The following CACNA1E variants were observed in gnomAD, a reference collection of about 807,000 sequenced individuals.
CACNA1E encodes voltage-dependent R-type calcium channel subunit alpha-1E.
A neutral mutation model predicts 259.2 loss-of-function variants in CACNA1E; 40 were observed. The ratio of observed to expected loss-of-function variants is 0.15; its 90% CI spans 0.12 to 0.20. The LOEUF is 0.20. CACNA1E is among the 10% of genes least tolerant of loss of function. CACNA1E has a pLI of 1.00. For synonymous variants in CACNA1E, 1,104 were observed against 1,138.5 expected (o/e 0.97, Z 0.61); for missense variants, 1,874 against 3,040.1 (o/e 0.62, Z 9.02).
At chr1:181,462,957 A>AC (rs1445666626) in intron 2 of CACNA1E, among the ~76,000 whole-genome samples, 2 of 119,758 alleles carry the variant, frequency 1.7e-5, no homozygotes, top group Non-Finnish European at 3.3e-5. Context: ...TAAAATGATC[A>AC]TCTTGTCCAT....
intron 3 of CACNA1E, among the ~76,000 whole-genome samples, chr1:181,570,517 T>C (rs1244821715): frequency 6.6e-6 from 1 of 152,206 alleles, no homozygotes; most frequent in African/African-American, 2.4e-5. Context: ...GTGTATTTTC[T>C]TACAGTTCTG....
At chr1:181,324,938 A>T (rs1249940614) in intron 1 of CACNA1E, among the ~76,000 whole-genome samples, 1 of 152,170 alleles carries the variant, frequency 6.6e-6, no homozygotes, top group Non-Finnish European at 1.5e-5. Context: ...CATCTCCTGC[A>T]TCTGGGAGGG....
chr1:181,750,081 A>G lies in CACNA1E; in HGVS notation c.3720-395A>G, dbSNP rs186131604. On this transcript the variant is annotated intron_variant, in intron 25 of 47. Coordinates refer to ENST00000367573, the MANE Select transcript of CACNA1E (RefSeq NM_001205293.3). ...GGTTTCTTATAAATTCACTGGAAAC[A>G]GAGTTTGTCTGAAGACTGCATAGGA... Among the ~76,000 whole-genome samples the G allele has an allele frequency of 4.7e-4, 71 of 152,392 alleles. 1 individual carries two copies. The East Asian group carries it at 0.012, about 25-fold the overall frequency.
chr1:181,666,602 C>T (rs1375780304), intron 7 of CACNA1E, among the ~76,000 whole-genome samples: 2 of 151,750 alleles, frequency 1.3e-5, no homozygotes, highest in East Asian at 3.9e-4. Flanking sequence ...AAGACATTTC[C>T]TTAAAGAACA....
intron 41 of CACNA1E, 112 bp downstream of exon 41, chr1:181,784,880 A>G (rs1660727628): frequency 6.0e-6 from 4 of 661,188 alleles, no homozygotes. Flanking sequence ...GCCCTTTTCA[A>G]TTAATAAGGA....
At chr1:181,734,719 T>C (rs1288861243) in intron 21 of CACNA1E, among the ~76,000 whole-genome samples, 2 of 128,638 alleles carry the variant, frequency 1.6e-5, no homozygotes, top group African/African-American at 6.2e-5. Flanking sequence ...CCACACCTCA[T>C]CCCTGCATTA....
intron 3 of CACNA1E, 118 bp downstream of exon 3, chr1:181,511,628 GA>G: frequency 8.3e-7 from 1 of 1,199,264 alleles, no homozygotes; most frequent in Non-Finnish European, 1.2e-6. Context: ...AGGGGCAGAA[GA>G]AAAAGTTCAA....
At chr1:181,494,834 T>C (rs911802183) in intron 1 of CACNA1E, among the ~76,000 whole-genome samples, 5 of 152,226 alleles carry the variant, frequency 3.3e-5, no homozygotes, top group East Asian at 3.8e-4. Context: ...ATTTGAGTAA[T>C]TGATAAAAAA....
chr1:181,639,366 G>T (rs1657541327), intron 6 of CACNA1E, among the ~76,000 whole-genome samples: 1 of 152,218 alleles, frequency 6.6e-6, no homozygotes. Flanking sequence ...GGGATTACAG[G>T]TGTGAGCCAC....
chr1:181,527,570 C>G (rs1667455523), intron 3 of CACNA1E, among the ~76,000 whole-genome samples: 1 of 152,338 alleles, frequency 6.6e-6, no homozygotes, highest in South Asian at 2.1e-4. Context: ...AGGGCTATAT[C>G]TTTAAGGCAC....
At chr1:181,739,554 A>G (rs531730963) in intron 25 of CACNA1E, among the ~76,000 whole-genome samples, 2 of 152,292 alleles carry the variant, frequency 1.3e-5, no homozygotes, top group South Asian at 4.1e-4. Context: ...CAGTGTGGAC[A>G]GTGTTTCCAT....
At chr1:181,520,660 T>A (rs1034405329) in intron 3 of CACNA1E, among the ~76,000 whole-genome samples, 2 of 152,202 alleles carry the variant, frequency 1.3e-5, no homozygotes, top group African/African-American at 4.8e-5. Context: ...ATATCGCACA[T>A]AGGATGTATC....
In CACNA1E at chr1:181,483,571, C is replaced by T. The variant is rs1663493906; in HGVS notation, c.-174C>T. 6.9e-6 allele frequency: 3 copies of T among 436,044 alleles called. No individual in the cohort carries two copies. In the East Asian group the frequency reaches 1.1e-4, roughly 15 times the overall value. 27.0% of individuals were successfully genotyped at this position (436,044 alleles called of 1,614,324 possible). ...TGCATTTAGATTCAACAGTTCACAG[C>T]GGCGGGCTGCTGCTGCTGCCTCTCC... is the stretch of plus-strand genomic sequence containing the variant. On this transcript the variant is annotated 5_prime_UTR_variant, in exon 1 of 48. Coordinates refer to ENST00000367573, the MANE Select transcript of CACNA1E (RefSeq NM_001205293.3).
At chr1:181,349,132 C>G (rs966903477) in intron 1 of CACNA1E, among the ~76,000 whole-genome samples, 1 of 152,168 alleles carries the variant, frequency 6.6e-6, no homozygotes, top group African/African-American at 2.4e-5. Flanking sequence ...GGGTGGGCTG[C>G]TGTTATGGGA....
At chr1:181,626,031 A>G (rs1365466434) in intron 6 of CACNA1E, among the ~76,000 whole-genome samples, 1 of 152,154 alleles carries the variant, frequency 6.6e-6, no homozygotes, top group East Asian at 1.9e-4. Context: ...ATGGCAGGTC[A>G]ATGGTGCAGT....
intron 1 of CACNA1E, among the ~76,000 whole-genome samples, chr1:181,381,530 G>C (rs914773515): frequency 2.6e-5 from 4 of 152,084 alleles, no homozygotes; most frequent in African/African-American, 9.7e-5. Context: ...GGGGAAGATT[G>C]CCAAGGGATA....
intron 39 of CACNA1E, 26 bp from the exon 40 acceptor site, chr1:181,783,653 C>A: frequency 4.3e-6 from 5 of 1,150,218 alleles, no homozygotes; most frequent in Non-Finnish European, 6.3e-6. Context: ...TTTTTGCCTG[C>A]TGTTTCTTTT....
In CACNA1E at chr1:181,377,282, G is replaced by A. The variant is rs115540232; in HGVS notation, c.-14-35851G>A. 2.1e-3 allele frequency among the ~76,000 whole-genome samples: 313 copies of A among 152,316 alleles called. 2 individuals are homozygous for A. Among genetic ancestry groups the A allele is most frequent in the African/African-American group, 7.0e-3 (292 of 41,560 alleles). ...GGATAGGAATTTGATCAGGGGTAGA[G>A]TTGGGTGGAAGGGGAGATGCTAGAA... is the stretch of plus-strand genomic sequence containing the variant. On this transcript the variant is annotated intron_variant, in intron 1 of 11. Coordinates refer to the CACNA1E transcript ENST00000524607.
intron 2 of CACNA1E, among the ~76,000 whole-genome samples, chr1:181,416,116 T>G (rs1306847220): frequency 6.6e-6 from 1 of 152,110 alleles, no homozygotes; most frequent in African/African-American, 2.4e-5. Context: ...GGAAAGTCCT[T>G]GGACATGCTC....
Sources: allele counts gnomAD v4.1 joint callset (sites outside exome capture counted in the v4.1 genomes callset), GRCh38; gene constraint gnomAD v4.1.1; transcripts MANE v1.5; gene names NCBI Gene and HGNC (gene_info 2026-07-23, HGNC 2026-07-21).